The following BMAL1 variants were observed in gnomAD, a reference collection of about 807,000 sequenced individuals.
BMAL1 encodes basic helix-loop-helix ARNT like 1.
chr11:13,351,612 A>G, the BMAL1 span, among the ~76,000 whole-genome samples: 10 of 152,240 alleles, frequency 6.6e-5, no homozygotes, highest in East Asian at 1.5e-3. Context: ...CATCCATGGG[A>G]CCCTCCCTTA....
At chr11:13,286,226 G>A in the BMAL1 span, among the ~76,000 whole-genome samples, 2 of 152,176 alleles carry the variant, frequency 1.3e-5, no homozygotes, top group African/African-American at 4.8e-5. Context: ...TACCTCATTT[G>A]CTGTTAGCAA....
chr11:13,361,085 CAG>C, the BMAL1 span, among the ~76,000 whole-genome samples: 4 of 152,182 alleles, frequency 2.6e-5, no homozygotes, highest in Non-Finnish European at 5.9e-5. Context: ...GCTTGGGCAA[CAG>C]AGTGAGACTC....
At chr11:13,356,944 G>C in the BMAL1 span, 1 of 1,589,524 alleles carries the variant, frequency 6.3e-7, no homozygotes, top group Non-Finnish European at 8.6e-7. Flanking sequence ...CAGTCCCCTT[G>C]TGTGTCTGCA....
At chr11:13,326,508 C>T in the BMAL1 span, 10 of 152,104 alleles carry the variant, frequency 6.6e-5, no homozygotes, top group African/African-American at 1.9e-4. Context: ...CTTACCACTT[C>T]GGGGATGTAA....
the BMAL1 span, among the ~76,000 whole-genome samples, chr11:13,297,525 A>G: frequency 9.8e-5 from 15 of 152,358 alleles, no homozygotes; most frequent in East Asian, 2.9e-3. Flanking sequence ...GAGCAGTGCC[A>G]GCTTGAGGGC....
chr11:13,286,754 G>T, the BMAL1 span, among the ~76,000 whole-genome samples: 1 of 152,234 alleles, frequency 6.6e-6, no homozygotes, highest in Non-Finnish European at 1.5e-5. Context: ...TAAGATTTCT[G>T]TGTTCTTGGC....
chr11:13,343,969 A>G, the BMAL1 span, among the ~76,000 whole-genome samples: 1 of 152,140 alleles, frequency 6.6e-6, no homozygotes, highest in African/African-American at 2.4e-5. Flanking sequence ...TTGGGGATCC[A>G]CAAGCATCTA....
the BMAL1 span, among the ~76,000 whole-genome samples, chr11:13,324,878 G>A: frequency 2.0e-5 from 3 of 152,198 alleles, no homozygotes; most frequent in South Asian, 2.1e-4. Context: ...GGTGAGTGAC[G>A]TGGTCAGCAC....
chr11:13,327,724 A>G, the BMAL1 span, among the ~76,000 whole-genome samples: 1 of 152,172 alleles, frequency 6.6e-6, no homozygotes, highest in Admixed American at 6.5e-5. Context: ...TGTTAGCAGC[A>G]TTGTCTAAAT....
At chr11:13,315,628 G>C in the BMAL1 span, among the ~76,000 whole-genome samples, 3 of 152,150 alleles carry the variant, frequency 2.0e-5, no homozygotes, top group Non-Finnish European at 4.4e-5. Context: ...CGTTCCCTCT[G>C]CTCCAAGTCC....
chr11:13,302,891 A>G, the BMAL1 span, among the ~76,000 whole-genome samples: 1 of 152,142 alleles, frequency 6.6e-6, no homozygotes, highest in Non-Finnish European at 1.5e-5. Flanking sequence ...GAGTTTGTGC[A>G]TGTAAATATC....
At chr11:13,295,600 A>G in the BMAL1 span, among the ~76,000 whole-genome samples, 1 of 152,118 alleles carries the variant, frequency 6.6e-6, no homozygotes, top group Non-Finnish European at 1.5e-5. Flanking sequence ...GGGCCTTCAG[A>G]TGGAGATAGC....
the BMAL1 span, among the ~76,000 whole-genome samples, chr11:13,352,095 A>AG: frequency 6.6e-6 from 1 of 152,088 alleles, no homozygotes; most frequent in Non-Finnish European, 1.5e-5. Context: ...GGTAGAATCC[A>AG]GGCATGAGCT....
chr11:13,322,512 T>C, the BMAL1 span, among the ~76,000 whole-genome samples: 1 of 152,212 alleles, frequency 6.6e-6, no homozygotes, highest in African/African-American at 2.4e-5. Flanking sequence ...TTATATAATT[T>C]CTTTTGCATT....
chr11:13,354,550 T>C, the BMAL1 span: 1 of 1,470,710 alleles, frequency 6.8e-7, no homozygotes, highest in Non-Finnish European at 9.1e-7. Flanking sequence ...GAAAAGGGGA[T>C]GGGAATAAAA....
chr11:13,277,023 G>C, the BMAL1 span: 2 of 152,278 alleles, frequency 1.3e-5, no homozygotes, highest in Non-Finnish European at 2.9e-5. Context: ...GGAACTACGG[G>C]AATGACAGCT....
chr11:13,360,517 G>A, the BMAL1 span: 4 of 1,196,528 alleles, frequency 3.3e-6, no homozygotes, highest in African/African-American at 3.1e-5. Flanking sequence ...TCAACACTGA[G>A]CTTTTTTTTT....
chr11:13,348,142 G>A, the BMAL1 span, among the ~76,000 whole-genome samples: 1 of 152,202 alleles, frequency 6.6e-6, no homozygotes, highest in Non-Finnish European at 1.5e-5. Flanking sequence ...GTGTGCCCAC[G>A]GGCACAGGAA....
At chr11:13,363,122 TATTTC>T in the BMAL1 span, among the ~76,000 whole-genome samples, 1 of 129,794 alleles carries the variant, frequency 7.7e-6, no homozygotes, top group Non-Finnish European at 1.6e-5. Context: ...TCTATGTCTT[TATTTC>T]ATATATATAT....
Sources: allele counts gnomAD v4.1 joint callset (sites outside exome capture counted in the v4.1 genomes callset), GRCh38; gene constraint gnomAD v4.1.1; transcripts MANE v1.5; gene names NCBI Gene and HGNC (gene_info 2026-07-23, HGNC 2026-07-21).